TENM3: variants seen among roughly 807,000 people sequenced by gnomAD.
The protein encoded by TENM3 is teneurin transmembrane protein 3, also known as teneurin-3.
In TENM3, 63 loss-of-function variants were observed where a neutral mutation model predicts 255.1. That is an observed-to-expected ratio of 0.25 (90% CI 0.20 to 0.30). The LOEUF is 0.30. Ranked by LOEUF, TENM3 falls within the 10% of genes least tolerant of loss-of-function variation. The pLI, the probability that TENM3 is intolerant of heterozygous loss-of-function variation, is 1.00. For synonymous variants in TENM3, 1,306 were observed against 1,322.3 expected, an observed-to-expected ratio of 0.99 and a Z score of 0.27; for missense variants, 2,929 against 3,461.1, an observed-to-expected ratio of 0.85 and a Z score of 3.86.
intron 3 of TENM3, among the ~76,000 whole-genome samples, chr4:182,389,466 C>T (rs1258530788): frequency 6.6e-6 from 1 of 151,328 alleles, no homozygotes; most frequent in Middle Eastern, 3.2e-3. Flanking sequence ...AACCATTTTA[C>T]CTGCCAGAAA....
intron 3 of TENM3, among the ~76,000 whole-genome samples, chr4:182,361,209 C>T (rs1382593379): frequency 1.3e-5 from 2 of 152,080 alleles, no homozygotes; most frequent in Non-Finnish European, 2.9e-5. Context: ...CTTGGAGTTG[C>T]TCTTCTCGAG....
At chr4:182,013,103 G>A in the TENM3 span, among the ~76,000 whole-genome samples, 1 of 152,132 alleles carries the variant, frequency 6.6e-6, no homozygotes, top group Non-Finnish European at 1.5e-5. Context: ...TGAATGGCGA[G>A]CATTCAAAGA....
At chr4:181,953,893 A>G in the TENM3 span, among the ~76,000 whole-genome samples, 1 of 152,178 alleles carries the variant, frequency 6.6e-6, no homozygotes, top group Non-Finnish European at 1.5e-5. Context: ...AAAGTATAGT[A>G]CGTTTCCATC....
the TENM3 span, among the ~76,000 whole-genome samples, chr4:181,576,111 C>T: frequency 5.3e-5 from 8 of 152,240 alleles, no homozygotes; most frequent in South Asian, 1.7e-3. Context: ...CCTCCTACCC[C>T]TACCCTTCCT....
In TENM3 at chr4:182,736,920, T is replaced by C. The variant is rs1761216165; in HGVS notation, c.3080T>C (p.Ile1027Thr). The C allele has an allele frequency of 6.2e-7, 1 of 1,613,786 alleles. No homozygotes were observed. The highest frequency in any genetic ancestry group is 1.3e-5 in the African/African-American group (1 of 74,930). The stretch of plus-strand genomic sequence containing the variant: ...AAGATCACCATGACCCAGTCTATTA[T>C]TCCATTTAATTTAATGAAGGTTCAT... ...VLKITMTQSI[I>T]PFNLMKVHLM... The change falls in exon 17 of 28, where the codon ATT (isoleucine) becomes ACT (threonine). Residue 1027 changes from isoleucine (I) to threonine (T), a missense_variant. This residue lies in a region of TENM3 where 1,608 missense variants were observed against 1,884.4 expected (regional missense o/e 0.85). Transcript: ENST00000511685.
intron 3 of TENM3, among the ~76,000 whole-genome samples, chr4:182,584,779 A>G (rs1301030632): frequency 6.6e-6 from 1 of 151,992 alleles, no homozygotes; most frequent in Non-Finnish European, 1.5e-5. Flanking sequence ...ACCTGGGATT[A>G]CAGGCGCCTG....
chr4:182,522,088 A>G (rs1297188937), intron 3 of TENM3, among the ~76,000 whole-genome samples: 1 of 152,228 alleles, frequency 6.6e-6, no homozygotes, highest in Non-Finnish European at 1.5e-5. Context: ...TTTTAAGTAC[A>G]TGTGATATTT....
At chr4:181,942,373 G>A in the TENM3 span, among the ~76,000 whole-genome samples, 1 of 147,430 alleles carries the variant, frequency 6.8e-6, no homozygotes, top group Non-Finnish European at 1.5e-5. Flanking sequence ...GGTGATATCT[G>A]ATAATCTCTG....
At chr4:181,624,855 G>A in the TENM3 span, among the ~76,000 whole-genome samples, 3 of 152,136 alleles carry the variant, frequency 2.0e-5, no homozygotes, top group African/African-American at 4.8e-5. Flanking sequence ...AAGGTTGGAA[G>A]GTCCACCATG....
intron 6 of TENM3, among the ~76,000 whole-genome samples, chr4:182,656,128 G>A (rs1003467576): frequency 1.3e-5 from 2 of 152,032 alleles, no homozygotes; most frequent in African/African-American, 2.4e-5. Flanking sequence ...ACATATAAGC[G>A]AAGTACTTTC....
At chr4:181,869,411 C>A in the TENM3 span, among the ~76,000 whole-genome samples, 3 of 152,074 alleles carry the variant, frequency 2.0e-5, no homozygotes, top group Non-Finnish European at 2.9e-5. Context: ...TTGTTTAAAT[C>A]TATCTAGGAG....
At chr4:182,007,478 T>C in the TENM3 span, among the ~76,000 whole-genome samples, 4 of 152,214 alleles carry the variant, frequency 2.6e-5, no homozygotes, top group African/African-American at 9.6e-5. Flanking sequence ...CATTACATAA[T>C]GTCTTTCTTT....
At chr4:181,763,598 A>G in the TENM3 span, among the ~76,000 whole-genome samples, 1 of 152,222 alleles carries the variant, frequency 6.6e-6, no homozygotes, top group Admixed American at 6.5e-5. Flanking sequence ...AACCACACCT[A>G]TCACTTAATT....
At chr4:181,502,705 C>T in the TENM3 span, among the ~76,000 whole-genome samples, 7,907 of 152,130 alleles carry the variant, frequency 0.052, 288 homozygotes, top group South Asian at 0.12. Context: ...CTTACCTGAC[C>T]CATAGGGAAA....
the TENM3 span, among the ~76,000 whole-genome samples, chr4:182,097,927 G>A: frequency 2.6e-5 from 4 of 152,076 alleles, no homozygotes; most frequent in Non-Finnish European, 4.4e-5. Context: ...AGCTGGACCT[G>A]GAATTCAGAC....
chr4:181,949,210 C>CT, the TENM3 span, among the ~76,000 whole-genome samples: 1 of 151,958 alleles, frequency 6.6e-6, no homozygotes, highest in African/African-American at 2.4e-5. Context: ...TATGGGTAAC[C>CT]GTTCATGAGC....
the TENM3 span, among the ~76,000 whole-genome samples, chr4:181,553,260 A>AGTGTGT: frequency 0.078 from 10,400 of 133,368 alleles, 460 homozygotes; most frequent in South Asian, 0.089. Context: ...ATAGTCATTA[A>AGTGTGT]GTGTGTGTGT....
rs1699913960 is a variant in TENM3, at chr4:182,486,379, T to C, written c.512-114545T>C. Among the ~76,000 whole-genome samples, 3 of 151,886 alleles carry C rather than the reference T, an allele frequency of 2.0e-5. No homozygotes were observed. In the South Asian group the frequency reaches 6.2e-4, roughly 32 times the overall value. On this transcript the variant is annotated intron_variant, in intron 3 of 27. Transcript: ENST00000511685. ...TATGAGCTACTATAATAAATAAACTTTAAAATATAGGGAAACAAGGAACTA... is the reference window on the plus strand; with the variant it reads ...TATGAGCTACTATAATAAATAAACTCTAAAATATAGGGAAACAAGGAACTA...
chr4:182,330,967 T>C (rs572180621), intron 2 of TENM3, among the ~76,000 whole-genome samples: 35 of 152,276 alleles, frequency 2.3e-4, no homozygotes, highest in African/African-American at 8.2e-4. Flanking sequence ...AGTTATGAAA[T>C]AGAGCTTTAG....
Sources: gnomAD v4.1 joint callset for allele counts (sites outside exome capture counted in the v4.1 genomes callset) on GRCh38, gnomAD v4.1.1 for gene constraint, gnomAD v4.1.1 regional missense constraint, MANE v1.5 for transcripts, NCBI Gene and HGNC (gene_info 2026-07-23, HGNC 2026-07-21) for gene names.